The following ANXA2 variants were observed in gnomAD, a reference collection of about 807,000 sequenced individuals.
The protein encoded by ANXA2 is annexin A2, also known as annexin II.
Under a neutral mutation model 47.3 loss-of-function variants are expected in ANXA2, and 28 were observed. The ratio of observed to expected loss-of-function variants is 0.59; its 90% confidence interval spans 0.44 to 0.81. The LOEUF is 0.81. Ranked by LOEUF, ANXA2 falls within the 40% of genes least tolerant of loss-of-function variation. ANXA2 has a pLI of 0.00. For synonymous variants in ANXA2, 172 were observed against 155.5 expected, an observed-to-expected ratio of 1.11 and a Z score of -0.79; for missense variants, 384 against 414.3, an observed-to-expected ratio of 0.93 and a Z score of 0.64.
chr15:60,382,494 T>G, intron 2 of ANXA2, 53 bp from the exon 3 acceptor site: 1 of 1,301,884 alleles, frequency 7.7e-7, no homozygotes, highest in East Asian at 2.3e-5. Flanking sequence ...AATCCTCTTG[T>G]TGAAATAACA....
Position 60,352,234 on chromosome 15 carries a change from G to A in ANXA2, c.682+149C>T, listed in dbSNP as rs796916702. The A allele has an allele frequency of 6.8e-6, 4 of 585,944 alleles. No individual in the cohort carries two copies. Among genetic ancestry groups the A allele is most frequent in the Non-Finnish European group, 1.2e-5 (4 of 328,170 alleles). 36.3% of individuals were successfully genotyped at this position (585,944 alleles called of 1,614,324 possible). A position where few individuals can be genotyped will look rare whatever the true frequency, so the allele number is the denominator to read the frequency against. ...CAAGAGAAAAGAATCCAGAATGGGA[G>A]AGAAAGGTGAGGGAAAATGGGTGAG... On this transcript the variant is annotated intron_variant, in intron 9 of 12. Coordinates refer to ENST00000451270, the MANE Select transcript of ANXA2 (RefSeq NM_004039.3). The surrounding 1 kb of genome is among the most constrained non-coding windows in gnomAD (Gnocchi z 4.2).
intron 1 of ANXA2, chr15:60,393,257 C>A: frequency 9.5e-7 from 1 of 1,050,068 alleles, no homozygotes; most frequent in Non-Finnish European, 1.2e-6. Flanking sequence ...GCTTCATGCT[C>A]TCACAGCCTC....
At chr15:60,355,565 G>A in intron 7 of ANXA2, 2 of 363,652 alleles carry the variant, frequency 5.5e-6, no homozygotes, top group Middle Eastern at 8.8e-4. Flanking sequence ...CAGTGAAAAA[G>A]AAACCAGAAG....
intron 3 of ANXA2, among the ~76,000 whole-genome samples, chr15:60,376,598 A>G (rs1338364719): frequency 6.6e-6 from 1 of 152,204 alleles, no homozygotes; most frequent in Non-Finnish European, 1.5e-5. Flanking sequence ...CAGGAGGCAG[A>G]CTGGCTGGGA....
chr15:60,377,689 A>G (rs182473098), intron 3 of ANXA2, among the ~76,000 whole-genome samples: 45 of 152,200 alleles, frequency 3.0e-4, no homozygotes, highest in African/African-American at 1.1e-3. Context: ...CAAATCTTCA[A>G]TTTGTAAAAA....
chr15:60,384,168 A>G (rs545688169), intron 2 of ANXA2: 40 of 152,348 alleles, frequency 2.6e-4, no homozygotes, highest in African/African-American at 9.4e-4. Flanking sequence ...TGTGTTTGCT[A>G]TGGTAGCTAT....
intron 3 of ANXA2, among the ~76,000 whole-genome samples, chr15:60,381,204 C>T (rs1686160901): frequency 6.6e-6 from 1 of 152,158 alleles, no homozygotes; most frequent in South Asian, 2.1e-4. Flanking sequence ...TTTCAACGAA[C>T]CGTATGTGAA....
intron 4 of ANXA2, chr15:60,362,944 T>A (rs981277167): frequency 4.9e-5 from 7 of 142,366 alleles, no homozygotes; most frequent in African/African-American, 1.8e-4. Flanking sequence ...CTGAGATGAA[T>A]CATTTGAGTC....
At chr15:60,355,632 AG>A in intron 7 of ANXA2, 1 of 487,860 alleles carries the variant, frequency 2.0e-6, no homozygotes, top group Middle Eastern at 4.5e-4. Flanking sequence ...ACCTTCCCTA[AG>A]TCACACGGCC....
At chr15:60,351,532 C>A in intron 10 of ANXA2, 192 bp downstream of exon 10, 1 of 622,044 alleles carries the variant, frequency 1.6e-6, no homozygotes. Context: ...TCCTCCCTGG[C>A]AACAATCTGT....
intron 2 of ANXA2, chr15:60,383,130 TTTTC>T (rs1248881408): frequency 6.5e-6 from 1 of 152,824 alleles, no homozygotes; most frequent in African/African-American, 2.4e-5. Context: ...TTTTCTTTTC[TTTTC>T]TTTCTTTTCT....
intron 12 of ANXA2, among the ~76,000 whole-genome samples, chr15:60,348,730 A>G (rs1346329428): frequency 6.9e-6 from 1 of 145,800 alleles, no homozygotes; most frequent in African/African-American, 2.6e-5. Context: ...TGGGCGAGAG[A>G]GCAAGACTCC....
At chr15:60,397,221 A>G (rs1298803726) in intron 1 of ANXA2, 20 of 955,164 alleles carry the variant, frequency 2.1e-5, no homozygotes, top group Non-Finnish European at 2.4e-5. Context: ...GGCGAGTAAC[A>G]GGACAACCCT....
At chr15:60,381,419 T>G (rs1283448553) in intron 3 of ANXA2, among the ~76,000 whole-genome samples, 1 of 152,124 alleles carries the variant, frequency 6.6e-6, no homozygotes, top group African/African-American at 2.4e-5. Context: ...AGCTGCAATA[T>G]TTTTCAGGGA....
At chr15:60,397,595 C>T (rs955113006) in intron 1 of ANXA2, among the ~76,000 whole-genome samples, 2 of 152,182 alleles carry the variant, frequency 1.3e-5, no homozygotes, top group African/African-American at 2.4e-5. Flanking sequence ...CCTGCCTCGG[C>T]GGCGCCTGGC....
At chr15:60,362,922 C>A (rs1416054908) in intron 4 of ANXA2, 1 of 148,012 alleles carries the variant, frequency 6.8e-6, no homozygotes, top group African/African-American at 2.5e-5. Flanking sequence ...GTAATCCCAG[C>A]AGTTTGGGAG....
chr15:60,353,829 A>AT (rs1483968228), intron 8 of ANXA2, among the ~76,000 whole-genome samples: 16 of 152,296 alleles, frequency 1.1e-4, no homozygotes, highest in Admixed American at 5.2e-4. Flanking sequence ...ATGGAGAGGC[A>AT]TATGTGGAGC....
intron 7 of ANXA2, among the ~76,000 whole-genome samples, chr15:60,354,603 G>A (rs1333785316): frequency 8.2e-6 from 1 of 122,256 alleles, no homozygotes; most frequent in Non-Finnish European, 1.6e-5. Flanking sequence ...CCTGGTGACA[G>A]AGTGAGACTC....
At chr15:60,390,121 C>T (rs530900101) in intron 1 of ANXA2, 40 of 213,720 alleles carry the variant, frequency 1.9e-4, no homozygotes, top group South Asian at 1.0e-3. Flanking sequence ...CAATGAGTTG[C>T]TATTTTGCAT....
Sources: allele counts gnomAD v4.1 joint callset (sites outside exome capture counted in the v4.1 genomes callset), GRCh38; gene constraint gnomAD v4.1.1; non-coding constraint Gnocchi (gnomAD v3.1); transcripts MANE v1.5; gene names NCBI Gene and HGNC (gene_info 2026-07-23, HGNC 2026-07-21).